WDFY3: variants seen among roughly 807,000 people sequenced by gnomAD.
The protein encoded by WDFY3 is WD repeat and FYVE domain containing 3, also known as WD repeat and FYVE domain-containing protein 3.
In WDFY3, 66 loss-of-function variants were observed where a neutral mutation model predicts 409.6. That is an observed-to-expected ratio of 0.16 (90% CI 0.13 to 0.20). The LOEUF (loss-of-function observed/expected upper bound fraction) is 0.20. WDFY3 is among the 10% of genes least tolerant of loss of function. The pLI is 1.00. For missense variants in WDFY3, 3,031 were observed against 4,298.1 expected (o/e 0.71, Z 8.24); for synonymous variants, 1,521 against 1,537.1 (o/e 0.99, Z 0.25).
chr4:84,829,809 C>CT (rs1755410496), intron 8 of WDFY3, among the ~76,000 whole-genome samples: 5 of 9,506 alleles, frequency 5.3e-4, no homozygotes, highest in South Asian at 7.4e-3. Flanking sequence ...GAGACTGTCT[C>CT]AAAATAAATA....
At chr4:84,880,318 A>C (rs1378869899) in intron 3 of WDFY3, among the ~76,000 whole-genome samples, 1 of 152,102 alleles carries the variant, frequency 6.6e-6, no homozygotes, top group Non-Finnish European at 1.5e-5. Context: ...ATTGTAAGAC[A>C]CTAAGTTTGT....
chr4:84,879,128 C>G (rs1187054027), intron 3 of WDFY3, among the ~76,000 whole-genome samples: 1 of 152,126 alleles, frequency 6.6e-6, no homozygotes, highest in Non-Finnish European at 1.5e-5. Flanking sequence ...TGGTGGGTCC[C>G]TAATTTTGAA....
chr4:84,881,129 A>G (rs1763477207), intron 3 of WDFY3, among the ~76,000 whole-genome samples: 1 of 152,094 alleles, frequency 6.6e-6, no homozygotes, highest in African/African-American at 2.4e-5. Flanking sequence ...GCCTTGTTCA[A>G]GATTTGTAAT....
At chr4:84,737,471 T>A in intron 40 of WDFY3, 105 bp from the exon 41 acceptor site, 1 of 1,289,340 alleles carries the variant, frequency 7.8e-7, no homozygotes, top group Non-Finnish European at 1.0e-6. Flanking sequence ...GAATTTCGAC[T>A]ACAGTATTTA....
chr4:84,795,479 A>C (rs1749240230), intron 19 of WDFY3, among the ~76,000 whole-genome samples: 1 of 152,228 alleles, frequency 6.6e-6, no homozygotes, highest in South Asian at 2.1e-4. Flanking sequence ...TAACACTCTA[A>C]GCCTGGGCAC....
At chr4:84,824,805 G>A (rs923539088) in intron 10 of WDFY3, among the ~76,000 whole-genome samples, 10 of 152,080 alleles carry the variant, frequency 6.6e-5, no homozygotes, top group African/African-American at 2.4e-4. Context: ...TTTCTATAAT[G>A]GAATACAGCT....
intron 22 of WDFY3, among the ~76,000 whole-genome samples, chr4:84,788,040 TAA>T (rs1190000291): frequency 6.6e-6 from 1 of 152,212 alleles, no homozygotes; most frequent in Non-Finnish European, 1.5e-5. Flanking sequence ...TGTGCTGATA[TAA>T]AGAGAGCTTT....
chr4:84,674,480 G>C (rs567610243), intron 67 of WDFY3, among the ~76,000 whole-genome samples: 1 of 152,058 alleles, frequency 6.6e-6, no homozygotes, highest in Non-Finnish European at 1.5e-5. Flanking sequence ...TGAGGTGGGA[G>C]GACTGCTTGA....
At chr4:84,933,699 T>C (rs1771052016) in intron 1 of WDFY3, among the ~76,000 whole-genome samples, 1 of 152,084 alleles carries the variant, frequency 6.6e-6, no homozygotes, top group African/African-American at 2.4e-5. Context: ...CAGCTTCTGG[T>C]AACCATCACT....
chr4:84,686,338 C>CA (rs546671397), intron 62 of WDFY3, among the ~76,000 whole-genome samples: 78 of 151,894 alleles, frequency 5.1e-4, no homozygotes, highest in African/African-American at 1.8e-3. Flanking sequence ...AATAAAACCC[C>CA]AAAAAACAAA....
At chr4:84,699,359 G>A (rs148542033) in intron 56 of WDFY3, among the ~76,000 whole-genome samples, 7 of 152,156 alleles carry the variant, frequency 4.6e-5, no homozygotes, top group African/African-American at 1.7e-4. Context: ...ATGTTTTTGA[G>A]GTTCAATCAC....
rs193097702 is a variant in WDFY3 at position 84,674,248 on chromosome 4, C to A, written c.10458-1257G>T. 2.0e-5 allele frequency among the ~76,000 whole-genome samples: 3 copies of A among 152,248 alleles called. No individual in the cohort carries two copies. The East Asian group carries it at 5.8e-4, about 29-fold the overall frequency. Reference sequence around the variant, plus strand: ...ACTACAAAGAACAGATGTGTGCCAGCATACATACGGGAGTGCTAGTACAAA... The same window carrying A: ...ACTACAAAGAACAGATGTGTGCCAGAATACATACGGGAGTGCTAGTACAAA... On this transcript the variant is annotated intron_variant, in intron 67 of 67. Transcript: ENST00000295888.
At position 84,705,395 on chromosome 4, in the gene WDFY3, A is replaced by G; in HGVS notation, c.8334T>C (p.Asn2778=). 2.5e-6 allele frequency: 4 copies of G among 1,612,530 alleles called. No individual in the cohort carries two copies. Among genetic ancestry groups the G allele is most frequent in the African/African-American group, 2.7e-5 (2 of 75,012 alleles). ...CCAATGACAGAAAAAGTTCCTTACC[A>G]TTAGGATCCTCCCAGTCTTTATACC... ...KKRYKDWEDP[N]GETPAYHYGT... The change falls in exon 54 of 68, where the codon AAT becomes AAC. Residue 2778 remains asparagine, a splice_region_variant and synonymous_variant. Coordinates refer to ENST00000295888, the MANE Select transcript of WDFY3 (RefSeq NM_014991.6).
chr4:84,830,508 T>G (rs543196848), intron 8 of WDFY3, among the ~76,000 whole-genome samples: 2 of 152,340 alleles, frequency 1.3e-5, no homozygotes, highest in African/African-American at 4.8e-5. Context: ...ACTTACACTA[T>G]TTTCAAATTA....
At chr4:84,900,233 A>AT (rs936515511) in intron 2 of WDFY3, among the ~76,000 whole-genome samples, 74 of 150,316 alleles carry the variant, frequency 4.9e-4, no homozygotes, top group Middle Eastern at 3.4e-3. Context: ...AAGTAAAATA[A>AT]TTTTTTTTTT....
chr4:84,819,571 T>C (rs1753780666), intron 12 of WDFY3, among the ~76,000 whole-genome samples: 2 of 152,104 alleles, frequency 1.3e-5, no homozygotes, highest in Non-Finnish European at 2.9e-5. Context: ...AGTTAGGTTA[T>C]CTGTTAATGA....
intron 4 of WDFY3, among the ~76,000 whole-genome samples, chr4:84,853,896 T>C (rs138019502): frequency 4.9e-4 from 75 of 152,298 alleles, no homozygotes; most frequent in African/African-American, 1.7e-3. Context: ...GACTTCCTAG[T>C]ATATGTGCCA....
intron 24 of WDFY3, 95 bp downstream of exon 24, chr4:84,785,884 G>T: frequency 7.0e-7 from 1 of 1,428,464 alleles, no homozygotes; most frequent in Non-Finnish European, 9.5e-7. Flanking sequence ...ATGATTTTTA[G>T]CAGTCACTCA....
intron 3 of WDFY3, among the ~76,000 whole-genome samples, chr4:84,877,085 T>C (rs1030509550): frequency 1.3e-5 from 2 of 152,210 alleles, no homozygotes; most frequent in African/African-American, 4.8e-5. Context: ...ATATGTATGA[T>C]TGATTCTCAT....
Sources: allele counts gnomAD v4.1 joint callset (sites outside exome capture counted in the v4.1 genomes callset), GRCh38; gene constraint gnomAD v4.1.1; transcripts MANE v1.5; gene names NCBI Gene and HGNC (gene_info 2026-07-23, HGNC 2026-07-21).